The following FHIT variants were observed in gnomAD, a reference collection of about 807,000 sequenced individuals.
FHIT encodes the protein bis(5'-adenosyl)-triphosphatase.
Under a neutral mutation model 17.9 loss-of-function variants are expected in FHIT, and 19 were observed. That is an observed-to-expected ratio of 1.06 (90% CI 0.74 to 1.56). The LOEUF (loss-of-function observed/expected upper bound fraction) is 1.56, where lower values mean the gene tolerates loss of function less well. Ranked by LOEUF, FHIT falls within the 40% of genes most tolerant of loss-of-function variation. The probability of loss-of-function intolerance (pLI) is 0.00; values close to 1 mark genes in which losing one functional copy is unlikely to be tolerated. For synonymous variants in FHIT, 81 were observed against 69.7 expected (o/e 1.16, Z -0.81); for missense variants, 248 against 189.2 (o/e 1.31, Z -1.82).
At chr3:60,340,999 T>C (rs1294799883) in intron 5 of FHIT, among the ~76,000 whole-genome samples, 1 of 152,000 alleles carries the variant, frequency 6.6e-6, no homozygotes, top group Admixed American at 6.6e-5. Context: ...TATATGAGAA[T>C]TTTTTTTAAA....
At chr3:60,615,219 T>G (rs1217577446) in intron 4 of FHIT, among the ~76,000 whole-genome samples, 2 of 152,202 alleles carry the variant, frequency 1.3e-5, no homozygotes, top group African/African-American at 4.8e-5. Context: ...CTAGCTTTCC[T>G]GGAGGGATGG....
chr3:59,939,595 C>A (rs1706410707), intron 7 of FHIT, among the ~76,000 whole-genome samples: 2 of 152,134 alleles, frequency 1.3e-5, no homozygotes, highest in Non-Finnish European at 2.9e-5. Context: ...CAATTGAAGG[C>A]TAAGTGTGTA....
At chr3:59,972,720 T>C (rs1212983800) in intron 7 of FHIT, among the ~76,000 whole-genome samples, 1 of 152,170 alleles carries the variant, frequency 6.6e-6, no homozygotes, top group East Asian at 1.9e-4. Context: ...AAGTGGCTTA[T>C]ACCCTAGTTT....
intron 3 of FHIT, among the ~76,000 whole-genome samples, chr3:60,948,978 T>C (rs1456744858): frequency 6.6e-6 from 1 of 151,744 alleles, no homozygotes; most frequent in Non-Finnish European, 1.5e-5. Flanking sequence ...ATATTCCCCA[T>C]AAAAATTAAC....
chr3:61,028,313 G>A (rs17064320), intron 3 of FHIT, among the ~76,000 whole-genome samples: 13,289 of 152,152 alleles, frequency 0.087, 620 homozygotes, highest in East Asian at 0.18. Flanking sequence ...GCTCCTTCCT[G>A]CCTCCAAGAC....
intron 5 of FHIT, among the ~76,000 whole-genome samples, chr3:60,179,841 C>A (rs1251752656): frequency 1.3e-5 from 2 of 152,118 alleles, no homozygotes; most frequent in Admixed American, 6.6e-5. Flanking sequence ...GGGTTCTCTT[C>A]GTTCTGCATG....
chr3:61,051,772 G>A (rs903198279), intron 2 of FHIT, among the ~76,000 whole-genome samples: 1 of 152,168 alleles, frequency 6.6e-6, no homozygotes, highest in African/African-American at 2.4e-5. Flanking sequence ...AGTTCTGGAA[G>A]CTAATTTTGG....
chr3:60,769,913 A>G (rs1245585728), intron 4 of FHIT, among the ~76,000 whole-genome samples: 1 of 152,228 alleles, frequency 6.6e-6, no homozygotes. Flanking sequence ...GAGTGTTTCT[A>G]TGAAATTGGA....
intron 7 of FHIT, among the ~76,000 whole-genome samples, chr3:59,984,430 C>G (rs1708800351): frequency 6.6e-6 from 1 of 151,966 alleles, no homozygotes; most frequent in Admixed American, 6.6e-5. Context: ...GAACATGCTA[C>G]CCTCTGAGTT....
chr3:59,824,018 G>A (rs904465676), intron 8 of FHIT, among the ~76,000 whole-genome samples: 3 of 152,160 alleles, frequency 2.0e-5, no homozygotes, highest in East Asian at 1.9e-4. Context: ...AGAAATTAAC[G>A]TACACAAATC....
chr3:60,189,037 C>T (rs1702282788), intron 5 of FHIT, among the ~76,000 whole-genome samples: 1 of 152,084 alleles, frequency 6.6e-6, no homozygotes. Context: ...TAGAGAACAC[C>T]AGCATTTCTC....
intron 5 of FHIT, among the ~76,000 whole-genome samples, chr3:60,441,838 A>T (rs1438659250): frequency 8.0e-6 from 1 of 124,422 alleles, no homozygotes. Flanking sequence ...CCTCCCGCTC[A>T]TTCTTTTTTT....
At chr3:60,954,286 G>A (rs1281838474) in intron 3 of FHIT, among the ~76,000 whole-genome samples, 1 of 152,096 alleles carries the variant, frequency 6.6e-6, no homozygotes, top group Non-Finnish European at 1.5e-5. Flanking sequence ...GTATATCAGT[G>A]GTATTTACAC....
At chr3:60,018,676 G>T (rs536842083) in intron 5 of FHIT, among the ~76,000 whole-genome samples, 2 of 152,040 alleles carry the variant, frequency 1.3e-5, no homozygotes, top group Non-Finnish European at 2.9e-5. Context: ...AAATCATAGA[G>T]CCTTAAAACA....
chr3:60,558,974 T>C (rs2036838780), intron 4 of FHIT, among the ~76,000 whole-genome samples: 1 of 152,182 alleles, frequency 6.6e-6, no homozygotes, highest in Non-Finnish European at 1.5e-5. Flanking sequence ...ATTAGGAGCA[T>C]GAATAACAAA....
At chr3:60,127,999 GTAATAT>G (rs1247194606) in intron 5 of FHIT, among the ~76,000 whole-genome samples, 1 of 152,116 alleles carries the variant, frequency 6.6e-6, no homozygotes, top group Non-Finnish European at 1.5e-5. Flanking sequence ...TAATATTCAA[GTAATAT>G]TAAGATTGTT....
chr3:59,835,278 T>G (rs967810206), intron 8 of FHIT, among the ~76,000 whole-genome samples: 2 of 152,136 alleles, frequency 1.3e-5, no homozygotes, highest in African/African-American at 4.8e-5. Flanking sequence ...GAGAACTTGT[T>G]TAGGTTCAGA....
intron 4 of FHIT, among the ~76,000 whole-genome samples, chr3:60,753,839 A>G (rs2042517425): frequency 6.6e-6 from 1 of 152,038 alleles, no homozygotes; most frequent in African/African-American, 2.4e-5. Flanking sequence ...TCTATCCTTA[A>G]CTCTTCACTA....
intron 5 of FHIT, among the ~76,000 whole-genome samples, chr3:60,106,961 G>A (rs1704445323): frequency 6.6e-6 from 1 of 151,878 alleles, no homozygotes; most frequent in African/African-American, 2.4e-5. Context: ...CTTTTTTATT[G>A]TAAGCCTTCC....
Sources: gnomAD v4.1 joint callset for allele counts (sites outside exome capture counted in the v4.1 genomes callset) on GRCh38, gnomAD v4.1.1 for gene constraint, MANE v1.5 for transcripts, NCBI Gene and HGNC (gene_info 2026-07-23, HGNC 2026-07-21) for gene names.